Variants in NBDY observed in about 807,000 individuals in gnomAD.
NBDY encodes P-body dissociating protein.
chrX:56,806,773 A>G (rs2069852968), intron 2 of NBDY, among the ~76,000 whole-genome samples: 2 of 111,110 alleles, frequency 1.8e-5, no homozygotes, highest in South Asian at 7.6e-4. Flanking sequence ...TTGCCTTTTC[A>G]CTCTGATGAT....
chrX:56,755,654 A>G (rs1182675016), intron 2 of NBDY, among the ~76,000 whole-genome samples: 2 of 111,192 alleles, frequency 1.8e-5, no homozygotes, highest in African/African-American at 6.5e-5. Flanking sequence ...GGTGCTGGAG[A>G]GGATGTGGAG....
intron 2 of NBDY, among the ~76,000 whole-genome samples, chrX:56,787,543 A>G (rs2069735948): frequency 8.9e-6 from 1 of 112,020 alleles, no homozygotes; most frequent in South Asian, 3.7e-4. Flanking sequence ...ACATAAATGC[A>G]GGAAGTCTGT....
intron 2 of NBDY, among the ~76,000 whole-genome samples, chrX:56,766,977 G>C (rs1209556817): frequency 1.8e-5 from 2 of 112,646 alleles, no homozygotes; most frequent in African/African-American, 6.5e-5. Context: ...GCTGCCTGTT[G>C]AGCTGTCTAT....
At chrX:56,767,577 G>T (rs764310817) in intron 2 of NBDY, among the ~76,000 whole-genome samples, 19 of 113,336 alleles carry the variant, frequency 1.7e-4, no homozygotes, top group Admixed American at 1.7e-3. Context: ...GGCGGGCCCC[G>T]CACTCCGAGC....
rs909486265 is a variant in NBDY, at chrX:56,786,069, G to A, written c.*167-31251G>A. Among the ~76,000 whole-genome samples the A allele has an allele frequency of 3.6e-5, 4 of 111,058 alleles. No homozygotes were observed. In the Admixed American group the frequency reaches 3.8e-4, roughly 11 times the overall value. On this transcript the variant is annotated intron_variant, in intron 2 of 2. Transcript: ENST00000374922. ...GCCCTCTCTCCATATTGCCATGGGT[G>A]GCTGATTCCCTCTTTTCTCTGGTGT... is the stretch of plus-strand genomic sequence containing the variant.
chrX:56,745,341 G>A (rs902336918), intron 2 of NBDY, among the ~76,000 whole-genome samples: 19 of 110,647 alleles, frequency 1.7e-4, no homozygotes, highest in Non-Finnish European at 1.3e-4. Flanking sequence ...GTGGATGAGG[G>A]GGGACCACTT....
chrX:56,807,100 G>A (rs909928695), intron 2 of NBDY, among the ~76,000 whole-genome samples: 1 of 111,868 alleles, frequency 8.9e-6, no homozygotes, highest in Admixed American at 9.5e-5. Flanking sequence ...TTATTGCCAG[G>A]TTCATCAAAT....
intron 2 of NBDY, among the ~76,000 whole-genome samples, chrX:56,734,535 G>A (rs997964524): frequency 3.6e-5 from 4 of 112,258 alleles, no homozygotes; most frequent in African/African-American, 1.3e-4. Flanking sequence ...AAGCAAATTA[G>A]CAAGATTTTA....
chrX:56,807,168 T>C (rs1157861926), intron 2 of NBDY, among the ~76,000 whole-genome samples: 4 of 111,833 alleles, frequency 3.6e-5, no homozygotes, highest in Non-Finnish European at 5.6e-5. Context: ...GTTCCATTGG[T>C]TTATATATCT....
intron 2 of NBDY, among the ~76,000 whole-genome samples, chrX:56,745,752 T>C (rs1324209839): frequency 1.8e-5 from 2 of 110,850 alleles, no homozygotes; most frequent in East Asian, 2.8e-4. Flanking sequence ...CTTGTCCTTT[T>C]TTTGTGACGT....
At chrX:56,758,630 C>T (rs771172331) in intron 2 of NBDY, among the ~76,000 whole-genome samples, 2 of 111,793 alleles carry the variant, frequency 1.8e-5, no homozygotes, top group Non-Finnish European at 3.8e-5. Flanking sequence ...TAGTTAGTAC[C>T]CCCGGCATCT....
At chrX:56,798,583 G>A (rs140035913) in intron 2 of NBDY, among the ~76,000 whole-genome samples, 1 of 112,334 alleles carries the variant, frequency 8.9e-6, no homozygotes, top group East Asian at 2.8e-4. Flanking sequence ...TCCTAGTCCT[G>A]CAGTAAAACC....
intron 2 of NBDY, chrX:56,737,618 G>C (rs1279284187): frequency 2.3e-6 from 1 of 432,059 alleles, no homozygotes; most frequent in African/African-American, 2.6e-5. Context: ...CTTATAACAA[G>C]ATACAAAAAT....
chrX:56,755,842 G>A (rs1356458867), intron 2 of NBDY, among the ~76,000 whole-genome samples: 2 of 107,044 alleles, frequency 1.9e-5, no homozygotes, highest in Admixed American at 1.0e-4. Flanking sequence ...ACATGCACAC[G>A]TATGTTTATT....
At chrX:56,737,959 T>G (rs1251178241) in intron 2 of NBDY, among the ~76,000 whole-genome samples, 2 of 111,723 alleles carry the variant, frequency 1.8e-5, no homozygotes, top group Non-Finnish European at 3.8e-5. Context: ...TATGTCAGTG[T>G]GTATTTCCTC....
At chrX:56,735,963 TG>T (rs971804127) in intron 2 of NBDY, among the ~76,000 whole-genome samples, 3 of 98,895 alleles carry the variant, frequency 3.0e-5, no homozygotes, top group South Asian at 4.4e-4. Flanking sequence ...AAAAAAAAAA[TG>T]GGGGGTGGTT....
At chrX:56,762,673 C>T (rs1018552897) in intron 2 of NBDY, among the ~76,000 whole-genome samples, 3 of 110,993 alleles carry the variant, frequency 2.7e-5, no homozygotes, top group Non-Finnish European at 5.7e-5. Flanking sequence ...AGCAAGTTTT[C>T]CCCCATTTCC....
At chrX:56,790,914 T>C (rs1440923406) in intron 2 of NBDY, among the ~76,000 whole-genome samples, 5 of 112,009 alleles carry the variant, frequency 4.5e-5, no homozygotes, top group Non-Finnish European at 7.5e-5. Flanking sequence ...GGGGTTGGGG[T>C]GGGCGCAGTG....
In NBDY at chrX:56,816,246, A is replaced by G. The variant is rs2069910237; in HGVS notation, c.*167-1074A>G. On this transcript the variant is annotated intron_variant, in intron 2 of 2. Transcript: ENST00000374922. ...TATATGGCCAATAATAATAATAAAT[A>G]TAGTTGACTTTAATATTAGGTCATC... Among the ~76,000 whole-genome samples, 3 of 111,429 alleles carry G rather than the reference A, an allele frequency of 2.7e-5. 1 individual carries two copies. The highest frequency in any genetic ancestry group is 5.7e-5 in the Non-Finnish European group (3 of 52,927).
Sources: gnomAD v4.1 joint callset for allele counts (sites outside exome capture counted in the v4.1 genomes callset) on GRCh38, gnomAD v4.1.1 for gene constraint, MANE v1.5 for transcripts, NCBI Gene and HGNC (gene_info 2026-07-23, HGNC 2026-07-21) for gene names.